Variants in IMPG1 observed in about 807,000 individuals in gnomAD.
IMPG1 encodes the protein interphotoreceptor matrix proteoglycan of 150 kDa.
In IMPG1, 85 loss-of-function variants were observed where a neutral mutation model predicts 92.0. The observed-to-expected ratio is 0.92, with a 90% CI of 0.78 to 1.11. IMPG1 has a LOEUF of 1.11. IMPG1 is among the 50% of genes least tolerant of loss of function. The probability of loss-of-function intolerance (pLI) is 0.00; values close to 1 mark genes in which losing one functional copy is unlikely to be tolerated. For synonymous variants in IMPG1, 367 were observed against 334.1 expected, an observed-to-expected ratio of 1.10 and a Z score of -1.08; for missense variants, 1,022 against 956.0, an observed-to-expected ratio of 1.07 and a Z score of -0.91.
intron 16 of IMPG1, among the ~76,000 whole-genome samples, chr6:75,922,836 T>C (rs1488733505): frequency 2.0e-5 from 3 of 152,122 alleles, no homozygotes; most frequent in Non-Finnish European, 4.4e-5. Flanking sequence ...TAGCATTTGG[T>C]GTGATTTCCC....
chr6:76,054,386 A>G (rs569963264), intron 1 of IMPG1, among the ~76,000 whole-genome samples: 3 of 152,202 alleles, frequency 2.0e-5, no homozygotes, highest in Admixed American at 2.0e-4. Flanking sequence ...ATTTTCAGTA[A>G]AAGTATGTCC....
rs1781944670 is a variant in IMPG1 at position 75,947,389 on chromosome 6, A to G, written c.1969T>C (p.Leu657=). The part of the protein sequence containing the change: ...YNLTKAVHGV[L]EDFRSAAAQQ... ...GCTGCAGCAGAACGAAAATCCTCCA[A>G]GACCCCGTGCACAGCCTTGGTGAGG... The change falls in exon 14 of 17, where the codon TTG becomes CTG. Residue 657 remains leucine (L), a synonymous_variant. Coordinates refer to ENST00000369950, the MANE Select transcript of IMPG1 (RefSeq NM_001563.4). 1.2e-6 allele frequency: 2 copies of G among 1,614,010 alleles called. No homozygotes were observed. The highest frequency in any genetic ancestry group is 2.2e-5 in the South Asian group (2 of 91,084).
chr6:76,031,079 A>G (rs949103824), intron 4 of IMPG1, among the ~76,000 whole-genome samples: 1 of 152,144 alleles, frequency 6.6e-6, no homozygotes, highest in Non-Finnish European at 1.5e-5. Flanking sequence ...CCTTCAAACC[A>G]TCTGCAAGCC....
chr6:75,947,113 AT>A (rs1388307975), intron 14 of IMPG1, among the ~76,000 whole-genome samples, 200 bp downstream of exon 14: 1 of 152,194 alleles, frequency 6.6e-6, no homozygotes, highest in Non-Finnish European at 1.5e-5. Flanking sequence ...TTGCTTTTTG[AT>A]ACAGGAAAAT....
intron 7 of IMPG1, 62 bp from the exon 8 acceptor site, chr6:76,011,286 C>G: frequency 1.3e-6 from 1 of 779,014 alleles, no homozygotes; most frequent in Non-Finnish European, 2.2e-6. Flanking sequence ...TCTTGCCTAA[C>G]TGAAAAACCT....
At chr6:75,999,234 C>G (rs1431768060) in intron 12 of IMPG1, among the ~76,000 whole-genome samples, 2 of 150,270 alleles carry the variant, frequency 1.3e-5, no homozygotes, top group Non-Finnish European at 2.9e-5. Flanking sequence ...AAAACAGTAA[C>G]AATAGAAGAC....
At chr6:76,069,132 C>T (rs1214832997) in intron 1 of IMPG1, among the ~76,000 whole-genome samples, 1 of 152,068 alleles carries the variant, frequency 6.6e-6, no homozygotes, top group Non-Finnish European at 1.5e-5. Context: ...AAAGAAGACA[C>T]TATTCAATAA....
At chr6:75,995,900 A>G (rs946644847) in intron 12 of IMPG1, among the ~76,000 whole-genome samples, 2 of 152,214 alleles carry the variant, frequency 1.3e-5, no homozygotes, top group Admixed American at 6.5e-5. Flanking sequence ...TTTTGGGGGA[A>G]CCCAAATCAT....
intron 1 of IMPG1, among the ~76,000 whole-genome samples, chr6:76,063,708 A>G (rs1169547737): frequency 3.3e-5 from 5 of 152,200 alleles, no homozygotes; most frequent in African/African-American, 4.8e-5. Context: ...CACATTGCCA[A>G]TTCCTCACAG....
intron 12 of IMPG1, among the ~76,000 whole-genome samples, chr6:75,974,375 CTTTCTTTCTTTCTT>C (rs1782485475): frequency 3.6e-5 from 3 of 83,416 alleles, no homozygotes; most frequent in African/African-American, 1.5e-4. Context: ...TTCTTTCTTT[CTTTCTTTCTTTCTT>C]TCTTTTCTTT....
intron 15 of IMPG1, among the ~76,000 whole-genome samples, chr6:75,924,400 AATT>A (rs1343972041): frequency 1.7e-5 from 2 of 119,422 alleles, no homozygotes; most frequent in East Asian, 2.1e-4. Flanking sequence ...ATATATAAAA[AATT>A]ATATATAATT....
chr6:76,044,767 A>G (rs904788595), intron 1 of IMPG1, among the ~76,000 whole-genome samples: 2 of 152,068 alleles, frequency 1.3e-5, no homozygotes, highest in African/African-American at 2.4e-5. Context: ...TGGGAAGAGT[A>G]TCTACTCTAC....
At chr6:76,044,235 T>A (rs1034998190) in intron 1 of IMPG1, among the ~76,000 whole-genome samples, 1 of 152,216 alleles carries the variant, frequency 6.6e-6, no homozygotes, top group African/African-American at 2.4e-5. Flanking sequence ...TTAGGAATAT[T>A]AATTTTAATA....
chr6:75,922,292 AT>A lies in IMPG1; in HGVS notation c.2317-127del. 3 of 572,336 alleles carry A rather than the reference AT, an allele frequency of 5.2e-6. No individual in the cohort carries two copies. In the South Asian group the frequency reaches 6.0e-5, roughly 11 times the overall value. The allele number at this position is 572,336 out of a possible 1,614,324, so 35.5% of individuals were successfully genotyped here. ...TGCCATTTATGACATCTTCTTTGAA[AT>A]GTTGAAGATGGCCTCAAAATATTCT... On this transcript the variant is annotated intron_variant, in intron 16 of 16. Transcript: ENST00000369950.
At chr6:75,967,436 A>G (rs554048270) in intron 12 of IMPG1, among the ~76,000 whole-genome samples, 1 of 152,286 alleles carries the variant, frequency 6.6e-6, no homozygotes, top group African/African-American at 2.4e-5. Context: ...ACAGGAGGAC[A>G]AAGTAAAAAG....
At chr6:76,007,585 T>A in intron 8 of IMPG1, 85 bp from the exon 9 acceptor site, 1 of 901,394 alleles carries the variant, frequency 1.1e-6, no homozygotes, top group Non-Finnish European at 1.7e-6. Context: ...AATTATTTTA[T>A]ATACAAAAGA....
At chr6:76,016,353 C>T (rs903501446) in intron 7 of IMPG1, among the ~76,000 whole-genome samples, 5 of 152,086 alleles carry the variant, frequency 3.3e-5, no homozygotes, top group Non-Finnish European at 5.9e-5. Flanking sequence ...AAGTCTATGG[C>T]CAATTATCCT....
intron 14 of IMPG1, among the ~76,000 whole-genome samples, chr6:75,944,375 C>A (rs1174744203): frequency 1.3e-5 from 2 of 152,156 alleles, no homozygotes; most frequent in Non-Finnish European, 2.9e-5. Context: ...TGGATTTACC[C>A]ATTTGGATTT....
At chr6:75,970,023 C>T (rs1478083637) in intron 12 of IMPG1, among the ~76,000 whole-genome samples, 2 of 152,080 alleles carry the variant, frequency 1.3e-5, no homozygotes, top group African/African-American at 4.8e-5. Context: ...TTAAAATCCA[C>T]TTTTAGAATC....
Sources: gnomAD v4.1 joint callset for allele counts (sites outside exome capture counted in the v4.1 genomes callset) on GRCh38, gnomAD v4.1.1 for gene constraint, MANE v1.5 for transcripts, NCBI Gene and HGNC (gene_info 2026-07-23, HGNC 2026-07-21) for gene names.